TYRO3: variants seen among roughly 807,000 people sequenced by gnomAD.
TYRO3 encodes the protein TYRO3 protein tyrosine kinase, also known as tyrosine-protein kinase receptor TYRO3.
Under a neutral mutation model 95.2 loss-of-function variants are expected in TYRO3, and 38 were observed. The observed-to-expected ratio is 0.40, with a 90% CI of 0.31 to 0.52. The LOEUF (loss-of-function observed/expected upper bound fraction) is 0.52, where lower values mean the gene tolerates loss of function less well. TYRO3 is among the 20% of genes least tolerant of loss of function. The pLI is 0.56. For missense variants in TYRO3, 812 were observed against 1,116.4 expected (o/e 0.73, Z 3.89); for synonymous variants, 367 against 432.9 (o/e 0.85, Z 1.89).
chr15:41,564,951 A>G (rs2055703091), intron 5 of TYRO3, 75 bp from the exon 6 acceptor site: 2 of 983,552 alleles, frequency 2.0e-6, no homozygotes, highest in African/African-American at 3.2e-5. Context: ...GAGAGACTCA[A>G]GGCTTGACTC....
intron 9 of TYRO3, 130 bp downstream of exon 9, chr15:41,569,152 G>A: frequency 8.9e-7 from 1 of 1,127,024 alleles, no homozygotes. Context: ...AAGAAGTTGA[G>A]GCCAGGGCTG....
intron 1 of TYRO3, among the ~76,000 whole-genome samples, chr15:41,560,430 C>CGTGT (rs1566897365): frequency 2.7e-5 from 3 of 113,180 alleles, no homozygotes; most frequent in Non-Finnish European, 5.6e-5. Flanking sequence ...TGTGTGTGTG[C>CGTGT]GCGCGCGCGC....
In TYRO3 at chr15:41,569,964, G is replaced by A. The variant is rs1434385622; in HGVS notation, c.1253-63G>A. ...TGAACCAGCTGGATGGCCATCCTGG[G>A]AAAGTTCTGAAGGGACCTCATGGTG... is the stretch of plus-strand genomic sequence containing the variant. On this transcript the variant is annotated intron_variant, in intron 9 of 18. Transcript: ENST00000263798. 1.1e-5 allele frequency: 17 copies of A among 1,561,990 alleles called. No individual in the cohort carries two copies. The Admixed American group carries it at 3.2e-4, about 29-fold the overall frequency.
intron 5 of TYRO3, chr15:41,564,634 C>T (rs2055699219): frequency 2.7e-6 from 1 of 366,942 alleles, no homozygotes; most frequent in Non-Finnish European, 5.2e-6. Context: ...TGGAGGAGAC[C>T]AGAGGGCTGG....
At position 41,571,679 on chromosome 15, in the gene TYRO3, A is replaced by C. The variant is rs745327921; in HGVS notation, c.1745A>C (p.Lys582Thr). 7 of 1,609,156 alleles carry C rather than the reference A, an allele frequency of 4.4e-6. No homozygotes were observed. In the East Asian group the frequency reaches 1.1e-4, roughly 26 times the overall value. ...MKEFDHPHVAKLVGVSLRSRA... is the reference protein window; with the variant it reads ...MKEFDHPHVATLVGVSLRSRA... ...GAGTTTGACCATCCACACGTGGCCA[A>C]ACTTGTTGGTGAGCCCATTTTTGGG... is the stretch of plus-strand genomic sequence containing the variant. Residue 582 changes from lysine to threonine, a missense_variant, in exon 14 of 19, where the codon AAA becomes ACA. Lys to Thr is a moderately conservative substitution (Grantham distance 78). Transcript: ENST00000263798.
rs758212540 is a variant in TYRO3 at position 41,578,016 on chromosome 15, A to G, written c.2413A>G (p.Ile805Val). Residue 805 changes from isoleucine to valine, a missense_variant, in exon 19 of 19, where the codon ATC (isoleucine) becomes GTC (valine). Ile to Val is a conservative substitution (Grantham distance 29, BLOSUM62 3). Coordinates refer to ENST00000263798, the MANE Select transcript of TYRO3 (RefSeq NM_006293.4). Reference sequence around the variant, plus strand: ...ATCTGCCAGCCAGGACCCCTTATACATCAACATCGAGAGAGCTGAGGAGCC... The same window carrying G: ...ATCTGCCAGCCAGGACCCCTTATACGTCAACATCGAGAGAGCTGAGGAGCC... ...VLSASQDPLY[I>V]NIERAEEPTA... 3.1e-6 allele frequency: 5 copies of G among 1,614,054 alleles called. No homozygotes were observed. Among genetic ancestry groups the G allele is most frequent in the East Asian group, 2.2e-5 (1 of 44,864 alleles).
rs768802416 is a variant in TYRO3 at position 41,571,646 on chromosome 15, G to C, written c.1712G>C (p.Cys571Ser). 1 of 1,613,828 alleles carries C rather than the reference G, an allele frequency of 6.2e-7. No homozygotes were observed. The highest frequency in any genetic ancestry group is 1.3e-5 in the African/African-American group (1 of 74,932). ...DIEEFLREAA[C>S]MKEFDHPHVA... The stretch of plus-strand genomic sequence containing the variant: ...GAAGAGTTCCTCAGGGAAGCAGCTT[G>C]CATGAAGGAGTTTGACCATCCACAC... The change falls in exon 14 of 19, where the codon TGC becomes TCC. Residue 571 changes from cysteine (C) to serine (S), a missense_variant. Coordinates refer to ENST00000263798, the MANE Select transcript of TYRO3 (RefSeq NM_006293.4).
At chr15:41,559,436 C>G (rs2052132462) in intron 1 of TYRO3, 55 bp downstream of exon 1, 1 of 181,962 alleles carries the variant, frequency 5.5e-6, no homozygotes, top group African/African-American at 2.5e-5. Context: ...GGGGCGCGGC[C>G]GGGGGTCGGA....
chr15:41,564,322 C>A (rs373641420), intron 5 of TYRO3, 52 bp downstream of exon 5: 36 of 1,549,412 alleles, frequency 2.3e-5, no homozygotes, highest in Non-Finnish European at 3.1e-5. Flanking sequence ...GCATTCCCAG[C>A]GAGCTGTCCA....
intron 18 of TYRO3, chr15:41,574,553 G>C (rs376320730): frequency 6.9e-6 from 3 of 437,846 alleles, no homozygotes; most frequent in South Asian, 1.6e-5. Flanking sequence ...CAACGTCACA[G>C]AGCTAGTAAG....
intron 3 of TYRO3, chr15:41,562,319 C>A (rs533002300): frequency 3.6e-4 from 131 of 359,760 alleles, no homozygotes; most frequent in Non-Finnish European, 4.4e-4. Flanking sequence ...GAGACCTCCC[C>A]GCGACCAATC....
rs748861412 is a variant in TYRO3 at position 41,570,287 on chromosome 15, T to G, written c.1430T>G (p.Phe477Cys). Reference protein sequence around the residue: ...VMARGEPAVHFRAARSFNRER... With the variant: ...VMARGEPAVHCRAARSFNRER... ...GCCCGGGGAGAGCCAGCCGTTCACTTCCGGGCAGCCCGGTCCTTCAATCGA... is the reference window on the plus strand; with the variant it reads ...GCCCGGGGAGAGCCAGCCGTTCACTGCCGGGCAGCCCGGTCCTTCAATCGA... The change falls in exon 11 of 19, where the codon TTC (phenylalanine) becomes TGC (cysteine). Residue 477 changes from phenylalanine to cysteine, a missense_variant. Phe to Cys is a radical substitution (Grantham distance 205). Coordinates refer to ENST00000263798, the MANE Select transcript of TYRO3 (RefSeq NM_006293.4). The G allele has an allele frequency of 6.2e-7, 1 of 1,614,172 alleles. No individual in the cohort carries two copies. Among genetic ancestry groups the G allele is most frequent in the Admixed American group, 1.7e-5 (1 of 60,022 alleles).
Position 41,570,096 on chromosome 15 carries a change from T to A in TYRO3, c.1322T>A (p.Val441Glu). 6.2e-7 allele frequency: 1 copy of A among 1,614,196 alleles called. No homozygotes were observed. The highest frequency in any genetic ancestry group is 8.5e-7 in the Non-Finnish European group (1 of 1,180,038). ...GTCCTTGGTGTGCTAACGGCCCTGGTGACGGCTGCTGCCCTGGCCCTCATC... is the reference window on the plus strand; with the variant it reads ...GTCCTTGGTGTGCTAACGGCCCTGGAGACGGCTGCTGCCCTGGCCCTCATC... ...PVVLGVLTAL[V>E]TAAALALILL... The change falls in exon 10 of 19, where the codon GTG becomes GAG. Residue 441 changes from valine (V) to glutamate (E), a missense_variant. Coordinates refer to ENST00000263798, the MANE Select transcript of TYRO3 (RefSeq NM_006293.4).
chr15:41,573,353 C>T lies in TYRO3; in HGVS notation c.2031C>T (p.Ser677=). The stretch of plus-strand genomic sequence containing the variant: ...TGTGTGTGGCTGACTTCGGACTCTC[C>T]CGGAAGATCTACAGTGGGGACTACT... ...MTVCVADFGL[S]RKIYSGDYYR... Residue 677 remains serine, a synonymous_variant, in exon 17 of 19, where the codon TCC becomes TCT. Coordinates refer to ENST00000263798, the MANE Select transcript of TYRO3 (RefSeq NM_006293.4). 2 of 1,614,234 alleles carry T rather than the reference C, an allele frequency of 1.2e-6. No homozygotes were observed. The highest frequency in any genetic ancestry group is 1.7e-6 in the Non-Finnish European group (2 of 1,180,050).
intron 9 of TYRO3, 147 bp downstream of exon 9, chr15:41,569,169 C>T: frequency 1.0e-6 from 1 of 983,116 alleles, no homozygotes; most frequent in South Asian, 1.9e-5. Flanking sequence ...GCTGTTTAAA[C>T]TATCTTGGCT....
intron 9 of TYRO3, 110 bp downstream of exon 9, chr15:41,569,132 A>C (rs2055762656): frequency 2.3e-6 from 3 of 1,329,960 alleles, no homozygotes; most frequent in South Asian, 1.4e-5. Context: ...GTAGACCCAC[A>C]GACAGAGTGA....
rs1433237153 is a variant in TYRO3 at position 41,578,531 on chromosome 15, A to G, written c.*255A>G. 29 of 558,556 alleles carry G rather than the reference A, an allele frequency of 5.2e-5. No individual in the cohort carries two copies. The highest frequency in any genetic ancestry group is 8.2e-5 in the Non-Finnish European group (26 of 317,964). The allele number at this position is 558,556 out of a possible 1,614,324, so 34.6% of individuals were successfully genotyped here. On this transcript the variant is annotated 3_prime_UTR_variant, in exon 19 of 19. Coordinates refer to ENST00000263798, the MANE Select transcript of TYRO3 (RefSeq NM_006293.4). ...GGGCCAGTCCTGGTTGTCTGAACCC[A>G]GGCAGCTGGCAGGAGTGGGGTGGTT...
chr15:41,577,718 C>T, intron 18 of TYRO3, 168 bp from the exon 19 acceptor site: 1 of 641,360 alleles, frequency 1.6e-6, no homozygotes. Context: ...AACTCCTGGG[C>T]TCAAATAATA....
At position 41,573,726 on chromosome 15, in the gene TYRO3, G is replaced by C. The variant is rs757804713; in HGVS notation, c.2193G>C (p.Thr731=). The C allele has an allele frequency of 6.2e-7, 1 of 1,614,262 alleles. No homozygotes were observed. The highest frequency in any genetic ancestry group is 8.5e-7 in the Non-Finnish European group (1 of 1,180,046). ...TMWEIMTRGQ[T]PYAGIENAEI... ...GGGAGATCATGACACGTGGGCAGAC[G>C]CCATATGCTGGCATCGAAAACGCTG... The change falls in exon 18 of 19, where the codon ACG becomes ACC. Residue 731 remains threonine (T), a synonymous_variant. Transcript: ENST00000263798.
Sources: allele counts gnomAD v4.1 joint callset (sites outside exome capture counted in the v4.1 genomes callset), GRCh38; gene constraint gnomAD v4.1.1; transcripts MANE v1.5; gene names NCBI Gene and HGNC (gene_info 2026-07-23, HGNC 2026-07-21).